PPP1R12B: variants seen among roughly 807,000 people sequenced by gnomAD.
The protein encoded by PPP1R12B is myosin phosphatase target subunit 2.
A neutral mutation model predicts 126.1 loss-of-function variants in PPP1R12B; 76 were observed. The observed-to-expected ratio is 0.60, with a 90% CI of 0.50 to 0.73. The LOEUF is 0.73. Ranked by LOEUF, PPP1R12B falls within the 30% of genes least tolerant of loss-of-function variation. The probability of loss-of-function intolerance (pLI) is 0.00; values close to 1 mark genes in which losing one functional copy is unlikely to be tolerated. For missense variants in PPP1R12B, 1,052 were observed against 1,205.1 expected (o/e 0.87, Z 1.88); for synonymous variants, 356 against 434.7 (o/e 0.82, Z 2.25).
At chr1:202,431,666 A>G (rs749737972) in intron 8 of PPP1R12B, 47 bp downstream of exon 8, 1 of 1,545,192 alleles carries the variant, frequency 6.5e-7, no homozygotes. Flanking sequence ...TCCATAGTGT[A>G]AGAAGATTAC....
intron 13 of PPP1R12B, among the ~76,000 whole-genome samples, chr1:202,482,645 C>T (rs1374277322): frequency 2.0e-5 from 3 of 152,182 alleles, no homozygotes; most frequent in Admixed American, 6.5e-5. Flanking sequence ...ATATTAACTC[C>T]TTGTCAGATG....
chr1:202,388,602 ATC>A (rs1450459081), intron 1 of PPP1R12B, among the ~76,000 whole-genome samples: 4 of 152,202 alleles, frequency 2.6e-5, no homozygotes, highest in Admixed American at 1.3e-4. Flanking sequence ...GTATTGTATC[ATC>A]TCTCTTTCTT....
chr1:202,577,471 G>T (rs1453620258), intron 23 of PPP1R12B, among the ~76,000 whole-genome samples: 2 of 152,100 alleles, frequency 1.3e-5, no homozygotes, highest in Admixed American at 1.3e-4. Flanking sequence ...GATACTTATT[G>T]TCTGGCATTT....
At chr1:202,518,225 C>T (rs1282365510) in intron 18 of PPP1R12B, among the ~76,000 whole-genome samples, 10 of 152,188 alleles carry the variant, frequency 6.6e-5, no homozygotes, top group Admixed American at 5.9e-4. Flanking sequence ...AATATTCATT[C>T]TACAAATACT....
rs948215609 is a variant in PPP1R12B at position 202,431,594 on chromosome 1, T to G, written c.1116T>G (p.Ser372=). The G allele has an allele frequency of 1.9e-6, 3 of 1,610,016 alleles. No homozygotes were observed. The highest frequency in any genetic ancestry group is 2.5e-6 in the Non-Finnish European group (3 of 1,178,852). The stretch of plus-strand genomic sequence containing the variant: ...AGGAGGAAGGTGAAGATGAAGCTTC[T>G]GAGTCAGAAACTGAGAAGGAGGCAG... ...SEEEEGEDEA[S]ESETEKEADK... Residue 372 remains serine, a synonymous_variant, in exon 8 of 24, where the codon TCT becomes TCG. Transcript: ENST00000608999.
chr1:202,379,621 G>T (rs1255809282), intron 1 of PPP1R12B, among the ~76,000 whole-genome samples: 1 of 152,092 alleles, frequency 6.6e-6, no homozygotes. Context: ...TAAAATTCTT[G>T]TTGAATAAAT....
chr1:202,567,815 T>A lies in PPP1R12B; in HGVS notation c.2795T>A (p.Leu932Gln), dbSNP rs770174106. 6.2e-6 allele frequency: 10 copies of A among 1,614,114 alleles called. No individual in the cohort carries two copies. The highest frequency in any genetic ancestry group is 3.3e-4 in the Middle Eastern group (2 of 6,062). Residue 932 changes from leucine (L) to glutamine (Q), a missense_variant, in exon 22 of 24, where the codon CTG becomes CAG. Physicochemically the swap from Leu to Gln is moderately radical, Grantham distance 113. Coordinates refer to ENST00000608999, the MANE Select transcript of PPP1R12B (RefSeq NM_002481.4). ...AAGACCTCTGACCGATCATCAGTGCTGGAGATGGAGAAACGGGTATGCGCA... is the reference window on the plus strand; with the variant it reads ...AAGACCTCTGACCGATCATCAGTGCAGGAGATGGAGAAACGGGTATGCGCA... Reference protein sequence around the residue: ...QEKTSDRSSVLEMEKRERRAL... With the variant: ...QEKTSDRSSVQEMEKRERRAL...
At chr1:202,472,124 A>C in intron 13 of PPP1R12B, 1 of 1,477,054 alleles carries the variant, frequency 6.8e-7, no homozygotes, top group South Asian at 1.2e-5. Flanking sequence ...GCATGTTCTC[A>C]TGTGCGTAGG....
At chr1:202,352,733 A>G (rs1199958406) in intron 1 of PPP1R12B, among the ~76,000 whole-genome samples, 1 of 152,062 alleles carries the variant, frequency 6.6e-6, no homozygotes. Context: ...CTAAAAATAC[A>G]AAAATTAGCC....
intron 18 of PPP1R12B, among the ~76,000 whole-genome samples, chr1:202,521,620 A>C (rs1682799894): frequency 6.6e-6 from 1 of 152,194 alleles, no homozygotes; most frequent in Non-Finnish European, 1.5e-5. Flanking sequence ...GCTTAAGAGA[A>C]AATTACAGAA....
At chr1:202,389,926 CAAAA>C (rs35190931) in intron 1 of PPP1R12B, among the ~76,000 whole-genome samples, 2 of 95,854 alleles carry the variant, frequency 2.1e-5, no homozygotes, top group African/African-American at 3.9e-5. Flanking sequence ...GACTCTGTCT[CAAAA>C]AAAAAAAAAA....
chr1:202,485,686 G>A (rs931255857), intron 13 of PPP1R12B, among the ~76,000 whole-genome samples: 8 of 152,056 alleles, frequency 5.3e-5, no homozygotes, highest in African/African-American at 1.7e-4. Context: ...GTGCTGCCCT[G>A]GACTTTTGTC....
chr1:202,428,861 A>G lies in PPP1R12B; in HGVS notation c.853A>G (p.Thr285Ala). The part of the protein sequence containing the change: ...DMDIRNKLGQ[T>A]PFDVADEGLV... ...TGCTCCTTTTCTCTGCCAGGGCCAG[A>G]CACCATTTGATGTGGCTGATGAGGG... The change falls in exon 6 of 24, where the codon ACA becomes GCA. Residue 285 changes from threonine (T) to alanine (A), a missense_variant. Thr to Ala is a moderately conservative substitution (Grantham distance 58). Transcript: ENST00000608999. The G allele has an allele frequency of 6.2e-7, 1 of 1,606,428 alleles. No individual in the cohort carries two copies.
At chr1:202,447,590 T>C (rs1210173265) in intron 12 of PPP1R12B, among the ~76,000 whole-genome samples, 1 of 152,248 alleles carries the variant, frequency 6.6e-6, no homozygotes, top group Non-Finnish European at 1.5e-5. Flanking sequence ...CTCTGATCTC[T>C]GCTCTAGGGC....
intron 13 of PPP1R12B, among the ~76,000 whole-genome samples, chr1:202,460,932 A>T (rs1674235859): frequency 6.6e-6 from 1 of 152,182 alleles, no homozygotes. Context: ...TGGCACCTCT[A>T]TGTAATTTTT....
chr1:202,478,374 A>G (rs1478780614), intron 13 of PPP1R12B, among the ~76,000 whole-genome samples: 1 of 152,244 alleles, frequency 6.6e-6, no homozygotes, highest in Non-Finnish European at 1.5e-5. Flanking sequence ...AAAACGTAGT[A>G]TGTTCTCAAC....
At chr1:202,455,987 G>A (rs940582631) in intron 13 of PPP1R12B, among the ~76,000 whole-genome samples, 4 of 152,062 alleles carry the variant, frequency 2.6e-5, no homozygotes, top group Admixed American at 1.3e-4. Context: ...GAATGATCTT[G>A]GCCAGGCACG....
rs753122160 is a variant in PPP1R12B at position 202,495,361 on chromosome 1, G to A, written c.2214G>A (p.Thr738=). 28 of 1,607,660 alleles carry A rather than the reference G, an allele frequency of 1.7e-5. No individual in the cohort carries two copies. Among genetic ancestry groups the A allele is most frequent in the African/African-American group, 4.0e-5 (3 of 74,666 alleles). Residue 738 remains threonine (T), a synonymous_variant, in exon 16 of 24, where the codon ACG becomes ACA. Transcript: ENST00000608999. The stretch of plus-strand genomic sequence containing the variant: ...CCACCACGCCAGCATCTCCTTCTAC[G>A]TCAAGACCCTCACTCTACACCAGTT... ...DKPTTPASPS[T]SRPSLYTSSH...
chr1:202,551,932 A>G (rs1242655130), intron 18 of PPP1R12B, among the ~76,000 whole-genome samples: 1 of 152,182 alleles, frequency 6.6e-6, no homozygotes, highest in Non-Finnish European at 1.5e-5. Context: ...AGCCTGGATG[A>G]GCTTGAAGCA....
Sources: allele counts gnomAD v4.1 joint callset (sites outside exome capture counted in the v4.1 genomes callset), GRCh38; gene constraint gnomAD v4.1.1; transcripts MANE v1.5; gene names NCBI Gene and HGNC (gene_info 2026-07-23, HGNC 2026-07-21).